The following AGBL1 variants were observed in gnomAD, a reference collection of about 807,000 sequenced individuals.
AGBL1 encodes the protein cytosolic carboxypeptidase 4.
Under a neutral mutation model 118.9 loss-of-function variants are expected in AGBL1, and 130 were observed. That is an observed-to-expected ratio of 1.09 (90% CI 0.95 to 1.26). AGBL1 has a LOEUF of 1.26. Ranked by LOEUF, AGBL1 falls within the 50% of genes most tolerant of loss-of-function variation. The probability of loss-of-function intolerance (pLI) is 0.00; values close to 1 mark genes in which losing one functional copy is unlikely to be tolerated. For synonymous variants in AGBL1, 555 were observed against 478.9 expected, an observed-to-expected ratio of 1.16 and a Z score of -2.08; for missense variants, 1,584 against 1,298.1, an observed-to-expected ratio of 1.22 and a Z score of -3.38.
chr15:87,030,210 A>C (rs1428009215), downstream of AGBL1, among the ~76,000 whole-genome samples: 1 of 151,990 alleles, frequency 6.6e-6, no homozygotes, highest in Non-Finnish European at 1.5e-5. Context: ...CACAATATGC[A>C]AGGATTCAGA....
At chr15:86,774,450 G>A (rs2078224406) in intron 22 of AGBL1, among the ~76,000 whole-genome samples, 1 of 152,088 alleles carries the variant, frequency 6.6e-6, no homozygotes, top group Non-Finnish European at 1.5e-5. Flanking sequence ...TTGAGCAAAT[G>A]TTTATTTAGA....
Position 86,270,005 on chromosome 15 carries a change from C to G in AGBL1, c.1925C>G (p.Ala642Gly). The G allele has an allele frequency of 1.2e-6, 2 of 1,613,538 alleles. No individual in the cohort carries two copies. Among genetic ancestry groups the G allele is most frequent in the South Asian group, 2.2e-5 (2 of 90,924 alleles). The change falls in exon 14 of 23, where the codon GCG becomes GGG. Residue 642 changes from alanine to glycine, a missense_variant. Coordinates refer to ENST00000614907, the MANE Select transcript of AGBL1 (RefSeq NM_001386094.1). ...WFYFKVSGMQ[A>G]AIPYHFNIIN... ...TATTTCAAAGTGAGCGGTATGCAGG[C>G]GGCCATCCCTTACCACTTCAACATC... is the stretch of plus-strand genomic sequence containing the variant.
chr15:86,220,088 A>T (rs532953268), intron 5 of AGBL1, among the ~76,000 whole-genome samples: 2 of 151,304 alleles, frequency 1.3e-5, no homozygotes, highest in Admixed American at 1.3e-4. Context: ...AGTAACTGGG[A>T]TTACAGGGGC....
At chr15:86,671,341 C>T (rs1234669598) in intron 21 of AGBL1, among the ~76,000 whole-genome samples, 2 of 152,104 alleles carry the variant, frequency 1.3e-5, no homozygotes, top group African/African-American at 4.8e-5. Context: ...GAAATAATGC[C>T]ATGAACCTTC....
intron 21 of AGBL1, among the ~76,000 whole-genome samples, chr15:86,642,504 TA>T (rs954113561): frequency 9.2e-5 from 14 of 152,082 alleles, no homozygotes; most frequent in East Asian, 1.9e-4. Flanking sequence ...TGAATTCTTT[TA>T]AAAAAAATTG....
Position 86,364,988 on chromosome 15 carries a change from TACACAC to T in AGBL1, c.2375-32372_2375-32367del, listed in dbSNP as rs1226981308. Among the ~76,000 whole-genome samples the T allele has an allele frequency of 1.0e-3, 107 of 103,538 alleles. 2 individuals carry two copies. The highest frequency in any genetic ancestry group is 3.4e-3 in the African/African-American group (78 of 23,156). The allele number at this position is 103,538 out of a possible 152,430, so 67.9% of individuals were successfully genotyped here. On this transcript the variant is annotated intron_variant, in intron 17 of 22. Coordinates refer to ENST00000614907, the MANE Select transcript of AGBL1 (RefSeq NM_001386094.1). ...ATATATATATATATATATATATATA[TACACAC>T]ACACATATATATATACACACACATA...
At chr15:86,156,576 G>C (rs2077194150) in intron 4 of AGBL1, among the ~76,000 whole-genome samples, 1 of 152,108 alleles carries the variant, frequency 6.6e-6, no homozygotes, top group Admixed American at 6.5e-5. Context: ...CTTGGTAGAT[G>C]GGGTGAATGG....
intron 22 of AGBL1, among the ~76,000 whole-genome samples, chr15:86,765,240 C>T (rs553517243): frequency 2.6e-4 from 40 of 151,988 alleles, no homozygotes; most frequent in Middle Eastern, 3.4e-3. Context: ...TTGCCTTCTT[C>T]CCCTTGCAAA....
chr15:86,262,265 T>C (rs143853694), intron 9 of AGBL1, among the ~76,000 whole-genome samples: 428 of 152,150 alleles, frequency 2.8e-3, no homozygotes, highest in African/African-American at 9.8e-3. Context: ...TCTTCTTTAC[T>C]GTTTTTCTTC....
chr15:86,333,078 T>A (rs1025323346), intron 17 of AGBL1, among the ~76,000 whole-genome samples: 8 of 152,044 alleles, frequency 5.3e-5, no homozygotes, highest in Admixed American at 3.3e-4. Context: ...AATACCTACC[T>A]CAAAAAGTTA....
At chr15:86,361,063 G>C (rs2080798172) in intron 17 of AGBL1, among the ~76,000 whole-genome samples, 1 of 151,476 alleles carries the variant, frequency 6.6e-6, no homozygotes, top group African/African-American at 2.4e-5. Context: ...AAATTTATTT[G>C]AGATCTTTCT....
At chr15:86,808,604 T>TC (rs1248229622) in intron 22 of AGBL1, among the ~76,000 whole-genome samples, 4 of 146,044 alleles carry the variant, frequency 2.7e-5, no homozygotes, top group African/African-American at 1.0e-4. Flanking sequence ...CTTCCTTCCT[T>TC]CTTTCCTTCC....
At chr15:86,323,897 G>T (rs1486625216) in intron 17 of AGBL1, among the ~76,000 whole-genome samples, 1 of 152,038 alleles carries the variant, frequency 6.6e-6, no homozygotes, top group Non-Finnish European at 1.5e-5. Context: ...GTGCAGTCTG[G>T]CATGACTTGC....
intron 22 of AGBL1, among the ~76,000 whole-genome samples, chr15:86,786,880 T>C (rs1275193071): frequency 6.6e-6 from 1 of 152,220 alleles, no homozygotes; most frequent in Non-Finnish European, 1.5e-5. Context: ...CTTGTACTAC[T>C]GTTTTGCCAG....
At chr15:86,192,157 C>G (rs993601629) in intron 5 of AGBL1, among the ~76,000 whole-genome samples, 4 of 150,874 alleles carry the variant, frequency 2.7e-5, no homozygotes, top group Admixed American at 6.6e-5. Context: ...CATGCACGTG[C>G]ACACACACAC....
At chr15:86,917,676 G>A (rs2080440895), downstream of AGBL1, among the ~76,000 whole-genome samples, 1 of 152,084 alleles carries the variant, frequency 6.6e-6, no homozygotes, top group South Asian at 2.1e-4. The surrounding 1 kb of genome is among the most constrained non-coding windows in gnomAD (Gnocchi z 4.8). Context: ...TTGAATTTGG[G>A]GATATGCAAA....
intron 22 of AGBL1, among the ~76,000 whole-genome samples, chr15:86,858,986 C>T (rs1177049335): frequency 6.6e-6 from 1 of 152,180 alleles, no homozygotes; most frequent in Non-Finnish European, 1.5e-5. Context: ...CTTACCTTTC[C>T]TAAGCTCATA....
chr15:86,286,356 G>A (rs2079447027), intron 16 of AGBL1, among the ~76,000 whole-genome samples: 1 of 151,950 alleles, frequency 6.6e-6, no homozygotes. Context: ...ATAATTCTGT[G>A]TATTATTATA....
intron 5 of AGBL1, among the ~76,000 whole-genome samples, chr15:86,210,932 G>T (rs1255325039): frequency 6.6e-6 from 1 of 152,142 alleles, no homozygotes; most frequent in Non-Finnish European, 1.5e-5. Context: ...TTCTGCTCTG[G>T]TTTCTCCCCT....
Sources: gnomAD v4.1 joint callset for allele counts (sites outside exome capture counted in the v4.1 genomes callset) on GRCh38, gnomAD v4.1.1 for gene constraint, Gnocchi (gnomAD v3.1) non-coding constraint, MANE v1.5 for transcripts, NCBI Gene and HGNC (gene_info 2026-07-23, HGNC 2026-07-21) for gene names.